Variants in IGF1R observed in about 807,000 individuals in gnomAD.
IGF1R encodes the protein insulin like growth factor 1 receptor.
In IGF1R, 44 loss-of-function variants were observed where a neutral mutation model predicts 144.6. The ratio of observed to expected loss-of-function variants is 0.30; its 90% CI spans 0.24 to 0.39. The LOEUF (loss-of-function observed/expected upper bound fraction) is 0.39, where lower values mean the gene tolerates loss of function less well. Among genes scored for constraint, IGF1R ranks in the 10% least tolerant of loss-of-function variants. The pLI, the probability that IGF1R is intolerant of heterozygous loss-of-function variation, is 1.00. For synonymous variants in IGF1R, 795 were observed against 722.8 expected (o/e 1.10, Z -1.60); for missense variants, 1,355 against 1,833.7 (o/e 0.74, Z 4.77).
At chr15:98,788,289 A>G (rs1313601965) in intron 2 of IGF1R, among the ~76,000 whole-genome samples, 1 of 152,138 alleles carries the variant, frequency 6.6e-6, no homozygotes, top group Non-Finnish European at 1.5e-5. Context: ...TGGGATTCAG[A>G]GGAGCATTTT....
rs749983645 is a variant in IGF1R at position 98,922,445 on chromosome 15, C to T, written c.2485+14C>T. ...CTATGCCCGCAGGTATGGTATGATCCAGCTGGCCCCATTGCCACCTTCCTC... is the reference window on the plus strand; with the variant it reads ...CTATGCCCGCAGGTATGGTATGATCTAGCTGGCCCCATTGCCACCTTCCTC... On this transcript the variant is annotated intron_variant, in intron 11 of 20. Coordinates refer to ENST00000650285, the MANE Select transcript of IGF1R (RefSeq NM_000875.5). 4 of 1,605,232 alleles carry T rather than the reference C, an allele frequency of 2.5e-6. No homozygotes were observed. Among genetic ancestry groups the T allele is most frequent in the Admixed American group, 3.3e-5 (2 of 60,012 alleles).
chr15:98,796,039 TG>T (rs2141425077), intron 2 of IGF1R, among the ~76,000 whole-genome samples: 1 of 152,350 alleles, frequency 6.6e-6, no homozygotes, highest in Admixed American at 6.5e-5. Context: ...CTGCTCCATC[TG>T]GCTGATCCCA....
At chr15:98,729,599 A>G (rs1368906669) in intron 2 of IGF1R, among the ~76,000 whole-genome samples, 1 of 146,730 alleles carries the variant, frequency 6.8e-6, no homozygotes, top group Admixed American at 6.8e-5. Context: ...TCCACATCTC[A>G]TTGTCCTTCA....
At chr15:98,948,823 T>C (rs2016657764) in intron 20 of IGF1R, 115 bp downstream of exon 20, 12 of 1,224,070 alleles carry the variant, frequency 9.8e-6, no homozygotes, top group Non-Finnish European at 1.3e-5. Context: ...TGCGCCTCCC[T>C]TGCCAGGCGT....
At chr15:98,683,419 G>A (rs115176513) in intron 1 of IGF1R, among the ~76,000 whole-genome samples, 3 of 152,178 alleles carry the variant, frequency 2.0e-5, no homozygotes, top group Non-Finnish European at 4.4e-5. Flanking sequence ...GTTTCTGCTC[G>A]GAAGGCCAGG....
In IGF1R at chr15:98,707,097, T is replaced by C. The variant is rs2053882716; in HGVS notation, c.95-465T>C. On this transcript the variant is annotated intron_variant, in intron 1 of 20. Coordinates refer to ENST00000650285, the MANE Select transcript of IGF1R (RefSeq NM_000875.5). This position sits in a 1 kb window ranked among gnomAD's most constrained non-coding sequence, Gnocchi z 6.7. ...TGACGGTTCTCCAGTGTAGAGTAGA[T>C]TGATTGCCCTGTGTCCTTCAGGCAG... Among the ~76,000 whole-genome samples, 1 of 152,104 alleles carries C rather than the reference T, an allele frequency of 6.6e-6. No homozygotes were observed. The highest frequency in any genetic ancestry group is 2.4e-5 in the African/African-American group (1 of 41,408).
intron 19 of IGF1R, among the ~76,000 whole-genome samples, chr15:98,945,137 G>T (rs976078805): frequency 2.0e-5 from 3 of 152,214 alleles, no homozygotes; most frequent in African/African-American, 7.2e-5. Context: ...CCAGACGAAG[G>T]ACTGGGGAGC....
chr15:98,786,731 T>A (rs971917475), intron 2 of IGF1R, among the ~76,000 whole-genome samples: 1 of 152,082 alleles, frequency 6.6e-6, no homozygotes, highest in Non-Finnish European at 1.5e-5. Flanking sequence ...TTTAGAATAG[T>A]TTGGGGAGGA....
intron 2 of IGF1R, among the ~76,000 whole-genome samples, chr15:98,728,096 C>T (rs2054409014): frequency 6.8e-6 from 1 of 146,098 alleles, no homozygotes; most frequent in South Asian, 2.2e-4. Context: ...TGGAAAGGGA[C>T]CCAAGCGGGT....
At position 98,962,964 on chromosome 15, in the gene IGF1R, G is replaced by A. The variant is rs1032617825; in HGVS notation, c.*5522G>A. On this transcript the variant is annotated 3_prime_UTR_variant, in exon 21 of 21. Transcript: ENST00000650285. Reference sequence around the variant, plus strand: ...ACTCATTTTTATGTCCCACGTGTGTGTGTCCGCATCTTTCTGGTCAACATT... The same window carrying A: ...ACTCATTTTTATGTCCCACGTGTGTATGTCCGCATCTTTCTGGTCAACATT... 4.3e-6 allele frequency: 1 copy of A among 233,622 alleles called. No individual in the cohort carries two copies. The highest frequency in any genetic ancestry group is 5.6e-5 in the Admixed American group (1 of 17,780). The allele number at this position is 233,622 out of a possible 1,614,324, so 14.5% of individuals were successfully genotyped here.
chr15:98,924,039 T>G, intron 12 of IGF1R, 27 bp downstream of exon 12: 1 of 1,608,748 alleles, frequency 6.2e-7, no homozygotes, highest in Non-Finnish European at 8.5e-7. Flanking sequence ...GGCCCGTGCC[T>G]GCATGTACTT....
Position 98,783,111 on chromosome 15 carries a change from C to T in IGF1R, c.640+75004C>T, listed in dbSNP as rs190915165. On this transcript the variant is annotated intron_variant, in intron 2 of 20. Coordinates refer to ENST00000650285, the MANE Select transcript of IGF1R (RefSeq NM_000875.5). ...TTATTTGTTGTTGGGAGACCTCCCC[C>T]TGCCCCCATTAAAAAAATTATTTTG... Among the ~76,000 whole-genome samples, 360 of 152,204 alleles carry T rather than the reference C, an allele frequency of 2.4e-3. 2 individuals are homozygous for T. Among genetic ancestry groups the T allele is most frequent in the African/African-American group, 8.5e-3 (352 of 41,476 alleles).
chr15:98,653,466 GTTGT>G (rs1436159001), intron 1 of IGF1R, among the ~76,000 whole-genome samples: 1 of 152,162 alleles, frequency 6.6e-6, no homozygotes, highest in East Asian at 1.9e-4. Flanking sequence ...ATGCAGTATT[GTTGT>G]TTCTTTTCTT....
At chr15:98,921,030 T>C (rs922998381) in intron 10 of IGF1R, among the ~76,000 whole-genome samples, 8 of 152,192 alleles carry the variant, frequency 5.3e-5, no homozygotes, top group African/African-American at 1.9e-4. Context: ...TCCATGGCAC[T>C]GATGAGCTTC....
At chr15:98,765,477 T>G (rs1567117698) in intron 2 of IGF1R, among the ~76,000 whole-genome samples, 3 of 151,792 alleles carry the variant, frequency 2.0e-5, no homozygotes. Flanking sequence ...CCTGGCTAAT[T>G]TTTTTTTCTT....
At chr15:98,770,307 G>A (rs2055552449) in intron 2 of IGF1R, among the ~76,000 whole-genome samples, 1 of 152,230 alleles carries the variant, frequency 6.6e-6, no homozygotes, top group Admixed American at 6.5e-5. Flanking sequence ...CTTGGAGGTA[G>A]AGAGTAGAGT....
At chr15:98,930,971 T>G (rs890697294) in intron 15 of IGF1R, among the ~76,000 whole-genome samples, 3 of 152,244 alleles carry the variant, frequency 2.0e-5, no homozygotes, top group African/African-American at 7.2e-5. Flanking sequence ...GGTTGGTCAC[T>G]GAGTCCAGTG....
chr15:98,924,695 T>A lies in IGF1R; in HGVS notation c.2782+11T>A. The A allele has an allele frequency of 1.9e-6, 3 of 1,610,038 alleles. No individual in the cohort carries two copies. On this transcript the variant is annotated intron_variant, in intron 13 of 20. Coordinates refer to ENST00000650285, the MANE Select transcript of IGF1R (RefSeq NM_000875.5). ...ATGTCCAGGCCAAAAGTAAGGCTTG[T>A]GGAGGGAGAAGAAACGTGGTAAAAC...
intron 2 of IGF1R, among the ~76,000 whole-genome samples, chr15:98,773,536 C>T (rs1300593102): frequency 1.3e-5 from 2 of 152,160 alleles, no homozygotes; most frequent in Non-Finnish European, 2.9e-5. Context: ...CATGGATCAG[C>T]AACCATTTCC....
Sources: allele counts gnomAD v4.1 joint callset (sites outside exome capture counted in the v4.1 genomes callset), GRCh38; gene constraint gnomAD v4.1.1; non-coding constraint Gnocchi (gnomAD v3.1); transcripts MANE v1.5; gene names NCBI Gene and HGNC (gene_info 2026-07-23, HGNC 2026-07-21).